ATP2B4: variants seen among roughly 807,000 people sequenced by gnomAD.
The protein encoded by ATP2B4 is ATPase plasma membrane Ca2+ transporting 4.
Under a neutral mutation model 110.3 loss-of-function variants are expected in ATP2B4, and 39 were observed. The ratio of observed to expected loss-of-function variants is 0.35; its 90% confidence interval spans 0.27 to 0.46. ATP2B4 has a LOEUF of 0.46. Ranked by LOEUF, ATP2B4 falls within the 20% of genes least tolerant of loss-of-function variation. The probability of loss-of-function intolerance (pLI) is 1.00; values close to 1 mark genes in which losing one functional copy is unlikely to be tolerated. For synonymous variants in ATP2B4, 538 were observed against 571.7 expected (o/e 0.94, Z 0.84); for missense variants, 1,135 against 1,530.9 (o/e 0.74, Z 4.32).
rs35019828 is a variant in ATP2B4 at position 203,704,467 on chromosome 1, CTTTTTTTTTTTTTTTTT to C, written c.1099+669_1099+685del. Among the ~76,000 whole-genome samples the C allele has an allele frequency of 1.3e-4, 9 of 68,794 alleles. No individual in the cohort carries two copies. The South Asian group carries it at 4.0e-3, about 31-fold the overall frequency. The allele number at this position is 68,794 out of a possible 152,430, so 45.1% of individuals were successfully genotyped here. ...GTGGACATATCTCTCAAGGAACAGT[CTTTTTTTTTTTTTTTTT>C]TTTTTTTTTTTTTTGAGATGGCGTC... On this transcript the variant is annotated intron_variant, in intron 8 of 20. Transcript: ENST00000357681.
At position 203,723,862 on chromosome 1, in the gene ATP2B4, G is replaced by T; in HGVS notation, c.3025-19G>T. 1 of 1,577,756 alleles carries T rather than the reference G, an allele frequency of 6.3e-7. No individual in the cohort carries two copies. The highest frequency in any genetic ancestry group is 1.2e-5 in the South Asian group (1 of 86,036). ...TTAGTCATTTCCTTGATGGTGGGCT[G>T]CCCCTTTCTCTGTTCTAGATTTTCA... On this transcript the variant is annotated intron_variant, in intron 18 of 20. Transcript: ENST00000357681.
chr1:203,726,108 A>C (rs1666508170), intron 19 of ATP2B4, among the ~76,000 whole-genome samples: 1 of 150,508 alleles, frequency 6.6e-6, no homozygotes, highest in African/African-American at 2.4e-5. Flanking sequence ...GCATGGTGAC[A>C]CATGCCTGTA....
intron 1 of ATP2B4, among the ~76,000 whole-genome samples, chr1:203,647,882 G>A (rs1187551027): frequency 6.6e-6 from 1 of 152,210 alleles, no homozygotes; most frequent in Non-Finnish European, 1.5e-5. Context: ...ATCCTGGGAT[G>A]AGAAATCAGA....
Position 203,739,809 on chromosome 1 carries a change from C to T in ATP2B4, c.3573C>T (p.Leu1191=). 1 of 1,614,116 alleles carries T rather than the reference C, an allele frequency of 6.2e-7. No individual in the cohort carries two copies. Among genetic ancestry groups the T allele is most frequent in the Non-Finnish European group, 8.5e-7 (1 of 1,180,036 alleles). ...CGGTGGATTGCAACCAAGTGCAGCT[C>T]CCCCAGTCGGACAGCTCTCTACAGA... ...NNAVDCNQVQ[L]PQSDSSLQSL... The change falls in exon 21 of 21, where the codon CTC becomes CTT. Residue 1191 remains leucine (L), a synonymous_variant. Coordinates refer to ENST00000357681, the MANE Select transcript of ATP2B4 (RefSeq NM_001684.5).
intron 1 of ATP2B4, among the ~76,000 whole-genome samples, chr1:203,642,140 G>C (rs1380377718): frequency 1.3e-5 from 2 of 152,210 alleles, no homozygotes; most frequent in East Asian, 3.9e-4. Context: ...GGAGTGTAAT[G>C]GTGTCATCAT....
chr1:203,700,671 T>G (rs1558040312), intron 5 of ATP2B4, 127 bp from the exon 6 acceptor site: 2 of 1,311,230 alleles, frequency 1.5e-6, no homozygotes, highest in East Asian at 2.4e-5. Context: ...CTTTTCCTAC[T>G]GTGCTAAGCA....
At chr1:203,705,959 G>A (rs1665836531) in intron 8 of ATP2B4, among the ~76,000 whole-genome samples, 1 of 152,150 alleles carries the variant, frequency 6.6e-6, no homozygotes, top group Non-Finnish European at 1.5e-5. Context: ...ATCATCTCTA[G>A]CCTTGCTTGG....
At chr1:203,739,501 T>G in intron 20 of ATP2B4, 45 bp from the exon 21 acceptor site, 1 of 1,569,590 alleles carries the variant, frequency 6.4e-7, no homozygotes, top group Non-Finnish European at 8.7e-7. Flanking sequence ...CGGCCAATTC[T>G]CACCTCTCTA....
At chr1:203,702,439 C>T (rs190098887) in intron 7 of ATP2B4, among the ~76,000 whole-genome samples, 2 of 152,244 alleles carry the variant, frequency 1.3e-5, no homozygotes, top group Admixed American at 1.3e-4. Context: ...ACTTCAGGGT[C>T]CTCATGGTGG....
chr1:203,645,595 T>C (rs1571675147), intron 1 of ATP2B4, among the ~76,000 whole-genome samples: 1 of 151,262 alleles, frequency 6.6e-6, no homozygotes, highest in Admixed American at 6.6e-5. Flanking sequence ...TCTTTCTTTT[T>C]TTTTTTTTTT....
At chr1:203,642,429 T>A (rs1663661956) in intron 1 of ATP2B4, among the ~76,000 whole-genome samples, 1 of 152,150 alleles carries the variant, frequency 6.6e-6, no homozygotes, top group Admixed American at 6.5e-5. Flanking sequence ...TATAGAAAAG[T>A]CTGAAAGAAA....
chr1:203,699,372 A>G, intron 3 of ATP2B4, 88 bp from the exon 4 acceptor site: 8 of 1,547,448 alleles, frequency 5.2e-6, no homozygotes, highest in South Asian at 1.2e-5. Context: ...CTGACTTTCT[A>G]TCTTGGGGTG....
In ATP2B4 at chr1:203,673,523, C is replaced by T. The variant is rs537721827; in HGVS notation, c.-464-9219C>T. Among the ~76,000 whole-genome samples the T allele has an allele frequency of 3.1e-4, 47 of 152,296 alleles. No homozygotes were observed. The South Asian group carries it at 6.4e-3, about 21-fold the overall frequency. On this transcript the variant is annotated intron_variant, in intron 1 of 20. Transcript: ENST00000357681. ...CACTGTCTTTTCAGCATGGAGCCCTCGCTGATTTGCCTGTGACTTCCAGGA... is the reference window on the plus strand; with the variant it reads ...CACTGTCTTTTCAGCATGGAGCCCTTGCTGATTTGCCTGTGACTTCCAGGA...
intron 2 of ATP2B4, among the ~76,000 whole-genome samples, chr1:203,694,316 A>G (rs1665469992): frequency 1.3e-5 from 2 of 152,218 alleles, no homozygotes; most frequent in African/African-American, 4.8e-5. Context: ...GTGTCCTATT[A>G]TATGCTAGGT....
chr1:203,737,848 C>T (rs919170939), intron 20 of ATP2B4, among the ~76,000 whole-genome samples: 11 of 151,938 alleles, frequency 7.2e-5, no homozygotes, highest in African/African-American at 2.7e-4. Flanking sequence ...TAGAGTGGGA[C>T]GAGATAAAGA....
intron 1 of ATP2B4, among the ~76,000 whole-genome samples, chr1:203,650,028 G>C (rs1235229874): frequency 6.6e-6 from 1 of 152,192 alleles, no homozygotes; most frequent in Non-Finnish European, 1.5e-5. Context: ...AAGCATCTCA[G>C]ATTTACCCCA....
chr1:203,723,048 T>C lies in ATP2B4; in HGVS notation c.3024+359T>C, dbSNP rs539819717. ...AGCCTATATGAAATGTGCATGCACA[T>C]CTAGTATAGACTCTCCCTGTCCCTG... is the stretch of plus-strand genomic sequence containing the variant. On this transcript the variant is annotated intron_variant, in intron 18 of 20. Coordinates refer to ENST00000357681, the MANE Select transcript of ATP2B4 (RefSeq NM_001684.5). Among the ~76,000 whole-genome samples, 111 of 152,318 alleles carry C rather than the reference T, an allele frequency of 7.3e-4. 1 individual carries two copies. Among genetic ancestry groups the C allele is most frequent in the African/African-American group, 2.6e-3 (110 of 41,572 alleles).
chr1:203,647,093 C>T (rs1663824105), intron 1 of ATP2B4, among the ~76,000 whole-genome samples: 2 of 151,450 alleles, frequency 1.3e-5, no homozygotes, highest in African/African-American at 4.9e-5. Context: ...CAGTGGAATC[C>T]AATGATAGCA....
rs188746485 is a variant in ATP2B4 at position 203,668,076 on chromosome 1, A to C, written c.-464-14666A>C. ...ACTCCTCCTCTGCGAATCCTTGTGT[A>C]GTGGTGGGGAAAGAGAGAAGAAAGC... On this transcript the variant is annotated intron_variant, in intron 1 of 20. Transcript: ENST00000357681. Among the ~76,000 whole-genome samples the C allele has an allele frequency of 1.4e-4, 22 of 152,306 alleles. No homozygotes were observed. The East Asian group carries it at 4.2e-3, about 29-fold the overall frequency.
Sources: gnomAD v4.1 joint callset for allele counts (sites outside exome capture counted in the v4.1 genomes callset) on GRCh38, gnomAD v4.1.1 for gene constraint, MANE v1.5 for transcripts, NCBI Gene and HGNC (gene_info 2026-07-23, HGNC 2026-07-21) for gene names.